FGF13: variants seen among roughly 807,000 people sequenced by gnomAD.
FGF13 encodes the protein fibroblast growth factor 13, also known as fibroblast growth factor homologous factor 2.
A neutral mutation model predicts 19.5 loss-of-function variants in FGF13; 2 were observed. That is an observed-to-expected ratio of 0.10 (90% CI 0.04 to 0.32). The LOEUF (loss-of-function observed/expected upper bound fraction) is 0.32. Among genes scored for constraint, FGF13 ranks in the 10% least tolerant of loss-of-function variants. The probability of loss-of-function intolerance (pLI) is 1.00; values close to 1 mark genes in which losing one functional copy is unlikely to be tolerated. For synonymous variants in FGF13, 72 were observed against 76.9 expected, an observed-to-expected ratio of 0.94 and a Z score of 0.33; for missense variants, 113 against 192.7, an observed-to-expected ratio of 0.59 and a Z score of 2.45.
At chrX:138,723,417 A>T (rs1187014288) in intron 1 of FGF13, among the ~76,000 whole-genome samples, 1 of 111,523 alleles carries the variant, frequency 9.0e-6, no homozygotes, top group East Asian at 2.8e-4. Flanking sequence ...TCACATGTAA[A>T]CAGCTCACCC....
chrX:138,643,695 A>G (rs1381457516), intron 3 of FGF13, among the ~76,000 whole-genome samples: 1 of 112,098 alleles, frequency 8.9e-6, no homozygotes, highest in African/African-American at 3.2e-5. Context: ...TCACTGTTTA[A>G]CAGAAATCTG....
rs140759687 is a variant in FGF13, at chrX:138,930,165, A to T, written c.-112-65515T>A. 7.5e-3 allele frequency among the ~76,000 whole-genome samples: 830 copies of T among 111,367 alleles called. 8 individuals are homozygous for T. The highest frequency in any genetic ancestry group is 0.025 in the African/African-American group (774 of 30,602). On this transcript the variant is annotated intron_variant, in intron 1 of 2. Coordinates refer to the FGF13 transcript ENST00000421460. ...TGGCCTGAAAGAGTTAACAAGCCTC[A>T]AGTCTGAAAAAAATATATAACTTGT...
At chrX:138,934,053 G>GA (rs1334996360) in intron 1 of FGF13, among the ~76,000 whole-genome samples, 2 of 111,756 alleles carry the variant, frequency 1.8e-5, no homozygotes, top group Non-Finnish European at 1.9e-5. Flanking sequence ...TTTTCTAAAT[G>GA]AAAAAAATAG....
intron 1 of FGF13, among the ~76,000 whole-genome samples, chrX:139,103,388 T>C (rs1361696137): frequency 8.9e-6 from 1 of 112,321 alleles, no homozygotes; most frequent in Admixed American, 9.4e-5. Flanking sequence ...GTGAGAATTA[T>C]AAACAGTACT....
intron 1 of FGF13, among the ~76,000 whole-genome samples, chrX:139,002,549 T>G (rs1201881686): frequency 9.0e-6 from 1 of 110,923 alleles, no homozygotes; most frequent in Non-Finnish European, 1.9e-5. Context: ...CTGGGGAAGC[T>G]AAGGAAATGC....
intron 3 of FGF13, among the ~76,000 whole-genome samples, chrX:138,664,464 G>A (rs1442826505): frequency 6.3e-5 from 7 of 110,667 alleles, no homozygotes; most frequent in Non-Finnish European, 9.5e-5. Context: ...GTGATTTTAG[G>A]AGATAAAATT....
chrX:139,106,137 G>A (rs2083558526), intron 1 of FGF13, among the ~76,000 whole-genome samples: 1 of 112,019 alleles, frequency 8.9e-6, no homozygotes. Context: ...AAATCTCTGA[G>A]TAGCCATCCT....
chrX:138,710,845 G>T lies in FGF13; in HGVS notation c.159C>A (p.Gly53=), dbSNP rs372365954. The T allele has an allele frequency of 2.0e-5, 24 of 1,211,016 alleles. No homozygotes were observed. In the African/African-American group the frequency reaches 3.5e-4, roughly 18 times the overall value. The change falls in exon 1 of 5, where the codon GGC becomes GGA. Residue 53 remains glycine, a synonymous_variant. Coordinates refer to ENST00000315930, the MANE Select transcript of FGF13 (RefSeq NM_004114.5). The part of the protein sequence containing the change: ...LNVFSRVKLF[G]SKKRRRRRPE... ...GTCTTCTTCTGCGCCTCTTCTTGGA[G>T]CCGAAGAGTTTGACCCGGGAAAAGA...
intron 1 of FGF13, among the ~76,000 whole-genome samples, chrX:139,153,867 G>A (rs1035876177): frequency 9.0e-6 from 1 of 111,021 alleles, no homozygotes; most frequent in Admixed American, 9.6e-5. Flanking sequence ...ATGGGAAAAG[G>A]CCTTGAGAAG....
At chrX:138,970,296 G>A (rs1162575714) in intron 1 of FGF13, among the ~76,000 whole-genome samples, 3 of 111,308 alleles carry the variant, frequency 2.7e-5, no homozygotes, top group African/African-American at 6.5e-5. Context: ...ATAATTAAGC[G>A]GAGGAAGAGG....
chrX:138,726,093 ATC>A (rs1457316206), intron 1 of FGF13, among the ~76,000 whole-genome samples: 1 of 111,515 alleles, frequency 9.0e-6, no homozygotes, highest in Non-Finnish European at 1.9e-5. Flanking sequence ...AAAATGACAG[ATC>A]TAAGTTACAT....
chrX:138,803,709 G>A (rs371593406), intron 3 of FGF13, among the ~76,000 whole-genome samples: 4 of 112,162 alleles, frequency 3.6e-5, no homozygotes, highest in Non-Finnish European at 7.5e-5. Context: ...GTTATCTGAC[G>A]ATGTCATTGT....
At position 139,145,300 on chromosome X, in the gene FGF13, G is replaced by A. The variant is rs753105741; in HGVS notation, c.-113+58116C>T. Among the ~76,000 whole-genome samples, 7 of 111,687 alleles carry A rather than the reference G, an allele frequency of 6.3e-5. No homozygotes were observed. The South Asian group carries it at 2.7e-3, about 43-fold the overall frequency. On this transcript the variant is annotated intron_variant, in intron 1 of 2. Coordinates refer to the FGF13 transcript ENST00000421460. ...GGGCATCAAATCAGAGAGGCTGGGAGAGAGGGATAGCAAAAACGAACAAGT... is the reference window on the plus strand; with the variant it reads ...GGGCATCAAATCAGAGAGGCTGGGAAAGAGGGATAGCAAAAACGAACAAGT...
chrX:138,780,803 C>T (rs1446629276), intron 3 of FGF13, among the ~76,000 whole-genome samples: 1 of 110,992 alleles, frequency 9.0e-6, no homozygotes, highest in South Asian at 3.9e-4. Flanking sequence ...CTCACCTCTG[C>T]ACCAAGCGGA....
intron 1 of FGF13, among the ~76,000 whole-genome samples, chrX:139,192,240 C>T (rs1472002558): frequency 3.6e-5 from 4 of 111,956 alleles, no homozygotes; most frequent in Non-Finnish European, 3.8e-5. Flanking sequence ...GACATCAGGG[C>T]TCCACCTCAT....
intron 1 of FGF13, among the ~76,000 whole-genome samples, chrX:139,099,353 A>G (rs62603184): frequency 1.5e-3 from 152 of 101,347 alleles, no homozygotes; most frequent in Non-Finnish European, 2.7e-3. Context: ...GCTGCAGAGA[A>G]TAGTGGTGAA....
chrX:138,982,470 A>G (rs961838940), intron 1 of FGF13, among the ~76,000 whole-genome samples: 5 of 112,139 alleles, frequency 4.5e-5, no homozygotes, highest in Non-Finnish European at 7.5e-5. Flanking sequence ...ACCCCAGCTC[A>G]GAAGGTGTGT....
intron 1 of FGF13, among the ~76,000 whole-genome samples, chrX:139,024,202 T>A (rs1422953302): frequency 9.0e-6 from 1 of 111,320 alleles, no homozygotes; most frequent in Non-Finnish European, 1.9e-5. Flanking sequence ...ACCAAAAGTC[T>A]CCCCTGTAAG....
At chrX:139,139,014 C>T (rs1225838815) in intron 1 of FGF13, among the ~76,000 whole-genome samples, 1 of 106,757 alleles carries the variant, frequency 9.4e-6, no homozygotes, top group East Asian at 3.0e-4. Context: ...ACTGCAACCT[C>T]CTTCTCCCGG....
Sources: allele counts gnomAD v4.1 joint callset (sites outside exome capture counted in the v4.1 genomes callset), GRCh38; gene constraint gnomAD v4.1.1; transcripts MANE v1.5; gene names NCBI Gene and HGNC (gene_info 2026-07-23, HGNC 2026-07-21).